The following MAP4K1 variants were observed in gnomAD, a reference collection of about 807,000 sequenced individuals.
MAP4K1 encodes mitogen-activated protein kinase kinase kinase kinase 1.
In MAP4K1, 35 loss-of-function variants were observed where a neutral mutation model predicts 122.8. The ratio of observed to expected loss-of-function variants is 0.29; its 90% confidence interval spans 0.22 to 0.38. The LOEUF (loss-of-function observed/expected upper bound fraction) is 0.38. Among genes scored for constraint, MAP4K1 ranks in the 10% least tolerant of loss-of-function variants. The pLI is 1.00. For synonymous variants in MAP4K1, 412 were observed against 421.3 expected, an observed-to-expected ratio of 0.98 and a Z score of 0.27; for missense variants, 791 against 1,072.6, an observed-to-expected ratio of 0.74 and a Z score of 3.67.
In MAP4K1 at chr19:38,587,965, T is replaced by C. The variant is rs370733987; in HGVS notation, c.2397-148A>G. 160 of 668,662 alleles carry C rather than the reference T, an allele frequency of 2.4e-4. 1 individual carries two copies. The African/African-American group carries it at 2.7e-3, about 11-fold the overall frequency. The allele number at this position is 668,662 out of a possible 1,614,324, so 41.4% of individuals were successfully genotyped here. A position where few individuals can be genotyped will look rare whatever the true frequency, so the allele number is the denominator to read the frequency against. ...GACACGGTCCCTGCCCTTAGGAAGC[T>C]TGCATTCTAGAGAAGGAGATCAACA... is the stretch of plus-strand genomic sequence containing the variant. On this transcript the variant is annotated intron_variant, in intron 30 of 30. Transcript: ENST00000396857.
intron 30 of MAP4K1, among the ~76,000 whole-genome samples, chr19:38,590,945 C>G (rs1974708154): frequency 6.6e-6 from 1 of 151,162 alleles, no homozygotes; most frequent in Non-Finnish European, 1.5e-5. Context: ...GCAATTCATT[C>G]CCAAATATTC....
In MAP4K1 at chr19:38,617,574, C is replaced by G. The variant is rs769042402; in HGVS notation, c.151G>C (p.Glu51Gln). The stretch of plus-strand genomic sequence containing the variant: ...CTCCATGTTCCCTCCTCACCAGGCT[C>G]CATCTTCACCATCTTCAGTGCCACC... ...DLVALKMVKMEPDDDVSTLQK... is the reference protein window; with the variant it reads ...DLVALKMVKMQPDDDVSTLQK... The change falls in exon 2 of 31, where the codon GAG (glutamate) becomes CAG (glutamine). Residue 51 changes from glutamate to glutamine, a missense_variant. By Grantham distance (29) the Glu-to-Gln change is conservative (BLOSUM62 2). Around this residue, in one of 4 missense-constraint regions of MAP4K1, gnomAD observed 163 missense variants for 286.1 expected, o/e 0.57. Coordinates refer to ENST00000396857, the MANE Select transcript of MAP4K1 (RefSeq NM_001042600.3). The surrounding 1 kb of genome is among the most constrained non-coding windows in gnomAD (Gnocchi z 4.1). The G allele has an allele frequency of 2.5e-6, 4 of 1,613,932 alleles. No homozygotes were observed.
chr19:38,599,369 G>T (rs951619718), intron 22 of MAP4K1, among the ~76,000 whole-genome samples: 4 of 122,608 alleles, frequency 3.3e-5, no homozygotes, highest in South Asian at 2.6e-4. Flanking sequence ...AAAAAAAAAA[G>T]GCTAATCTAA....
chr19:38,608,191 T>C, intron 13 of MAP4K1, 21 bp from the exon 14 acceptor site: 2 of 1,429,882 alleles, frequency 1.4e-6, no homozygotes, highest in South Asian at 1.4e-5. Context: ...TGGGGGAAGA[T>C]AACCTGCTGT....
chr19:38,607,936 TG>T, intron 15 of MAP4K1, 25 bp from the exon 16 acceptor site: 1 of 1,612,084 alleles, frequency 6.2e-7, no homozygotes, highest in Non-Finnish European at 8.5e-7. Context: ...GTATGAGCCT[TG>T]GGGGCCTTGT....
chr19:38,597,004 G>T lies in MAP4K1; in HGVS notation c.1941+30C>A. ...CAAGGCCTTAGCCACCCACTCCTCA[G>T]AGTTCCCAGCACCCTCCCAAGCCCC... On this transcript the variant is annotated intron_variant, in intron 25 of 30. Coordinates refer to ENST00000396857, the MANE Select transcript of MAP4K1 (RefSeq NM_001042600.3). The surrounding 1 kb of genome is among the most constrained non-coding windows in gnomAD (Gnocchi z 4.6). 1 of 1,604,538 alleles carries T rather than the reference G, an allele frequency of 6.2e-7. No individual in the cohort carries two copies. Among genetic ancestry groups the T allele is most frequent in the East Asian group, 2.2e-5 (1 of 44,842 alleles).
chr19:38,600,195 A>G (rs1975019537), intron 20 of MAP4K1, 42 bp from the exon 21 acceptor site: 1 of 1,567,074 alleles, frequency 6.4e-7, no homozygotes, highest in Non-Finnish European at 8.8e-7. Context: ...CTTCATCCTC[A>G]GGGACCTCCC....
intron 17 of MAP4K1, 116 bp from the exon 18 acceptor site, chr19:38,605,846 C>T (rs1009777956): frequency 7.0e-6 from 7 of 1,001,352 alleles, no homozygotes; most frequent in African/African-American, 1.7e-5. Context: ...TCTGACCCAC[C>T]CCCCCGACAA....
chr19:38,594,515 C>G (rs1364499742), intron 29 of MAP4K1, among the ~76,000 whole-genome samples: 1 of 152,116 alleles, frequency 6.6e-6, no homozygotes, highest in Non-Finnish European at 1.5e-5. Context: ...TGGAGTGTAC[C>G]TGTAATCCCA....
rs1555811720 is a variant in MAP4K1 at position 38,608,828 on chromosome 19, A to AAAAAAAAAAAAAAAAAAAAAAAAC, written c.1007-659_1007-658insGTTTTTTTTTTTTTTTTTTTTTTT. On this transcript the variant is annotated intron_variant, in intron 13 of 30. Coordinates refer to ENST00000396857, the MANE Select transcript of MAP4K1 (RefSeq NM_001042600.3). Reference sequence around the variant, plus strand: ...AAAAAAAAAAAAAAAAAAAAAAAAAAACATTAGCCACGCGTGGTGAATAAG... The same window carrying AAAAAAAAAAAAAAAAAAAAAAAAC: ...AAAAAAAAAAAAAAAAAAAAAAAAAAAAAAAAAAAAAAAAAAAAAAAAACACATTAGCCACGCGTGGTGAATAAG... Among the ~76,000 whole-genome samples the AAAAAAAAAAAAAAAAAAAAAAAAC allele has an allele frequency of 2.2e-5, 3 of 137,138 alleles. 1 individual carries two copies. Among genetic ancestry groups the AAAAAAAAAAAAAAAAAAAAAAAAC allele is most frequent in the Non-Finnish European group, 4.9e-5 (3 of 61,450 alleles). The allele number at this position is 137,138 out of a possible 152,430, so 90.0% of individuals were successfully genotyped here.
chr19:38,605,370 C>A (rs868803622), intron 19 of MAP4K1, 39 bp downstream of exon 19: 5 of 1,509,236 alleles, frequency 3.3e-6, no homozygotes. Flanking sequence ...TCCCCAGCCC[C>A]GTCCAGAGGT....
intron 8 of MAP4K1, 57 bp from the exon 9 acceptor site, chr19:38,612,799 G>A: frequency 1.9e-6 from 3 of 1,592,694 alleles, no homozygotes; most frequent in South Asian, 1.1e-5. Flanking sequence ...AAGGGAAGGA[G>A]GGGCAGAGAA....
At chr19:38,614,005 C>T in intron 7 of MAP4K1, 38 bp downstream of exon 7, 1 of 1,613,448 alleles carries the variant, frequency 6.2e-7, no homozygotes, top group Non-Finnish European at 8.5e-7. Flanking sequence ...TTCCGGCCCC[C>T]CAGTCAGCCC....
At chr19:38,611,028 G>T in intron 11 of MAP4K1, 23 bp downstream of exon 11, 1 of 1,595,146 alleles carries the variant, frequency 6.3e-7, no homozygotes, top group Non-Finnish European at 8.6e-7. Flanking sequence ...CTAGGCTGAG[G>T]ATCTTGGGGA....
chr19:38,594,437 C>G (rs913677204), intron 29 of MAP4K1, among the ~76,000 whole-genome samples: 2 of 151,930 alleles, frequency 1.3e-5, no homozygotes, highest in South Asian at 2.1e-4. Flanking sequence ...GTCAGGAGTT[C>G]GAGACCAGTC....
intron 17 of MAP4K1, 53 bp downstream of exon 17, chr19:38,606,119 TG>T: frequency 7.1e-7 from 1 of 1,417,912 alleles, no homozygotes; most frequent in Non-Finnish European, 9.8e-7. Context: ...CCTGGCCTCC[TG>T]GCCCCCAGTG....
chr19:38,595,608 CT>C (rs1974849876), intron 28 of MAP4K1, 31 bp downstream of exon 28: 7 of 1,613,978 alleles, frequency 4.3e-6, no homozygotes, highest in Non-Finnish European at 5.1e-6. Context: ...GTTTCCACCC[CT>C]GATCCTGGGC....
At chr19:38,588,290 C>A (rs938792754) in intron 30 of MAP4K1, among the ~76,000 whole-genome samples, 1 of 152,034 alleles carries the variant, frequency 6.6e-6, no homozygotes, top group African/African-American at 2.4e-5. Context: ...GACAGTGACA[C>A]GATCAGATTT....
In MAP4K1 at chr19:38,608,828, A is replaced by AAAAAAAAAAAAAAAAAAAAC. The variant is rs1555811720; in HGVS notation, c.1007-659_1007-658insGTTTTTTTTTTTTTTTTTTT. ...AAAAAAAAAAAAAAAAAAAAAAAAA[A>AAAAAAAAAAAAAAAAAAAAC]ACATTAGCCACGCGTGGTGAATAAG... On this transcript the variant is annotated intron_variant, in intron 13 of 30. Transcript: ENST00000396857. Among the ~76,000 whole-genome samples the AAAAAAAAAAAAAAAAAAAAC allele has an allele frequency of 1.0e-4, 14 of 137,242 alleles. 1 individual carries two copies. The highest frequency in any genetic ancestry group is 1.6e-4 in the Non-Finnish European group (10 of 61,438). The allele number at this position is 137,242 out of a possible 152,430, so 90.0% of individuals were successfully genotyped here.
Sources: allele counts gnomAD v4.1 joint callset (sites outside exome capture counted in the v4.1 genomes callset), GRCh38; gene constraint gnomAD v4.1.1; regional missense constraint gnomAD v4.1.1; non-coding constraint Gnocchi (gnomAD v3.1); transcripts MANE v1.5; gene names NCBI Gene and HGNC (gene_info 2026-07-23, HGNC 2026-07-21).